Variants in SETD4 observed in about 807,000 individuals in gnomAD.
The protein encoded by SETD4 is SET domain-containing protein 4.
A neutral mutation model predicts 58.3 loss-of-function variants in SETD4; 46 were observed. That is an observed-to-expected ratio of 0.79 (90% CI 0.62 to 1.01). SETD4 has a LOEUF of 1.01. Ranked by LOEUF, SETD4 falls within the 50% of genes least tolerant of loss-of-function variation. The pLI is 0.00. For synonymous variants in SETD4, 190 were observed against 202.6 expected (o/e 0.94, Z 0.53); for missense variants, 490 against 523.3 (o/e 0.94, Z 0.62).
intron 4 of SETD4, chr21:36,051,194 T>C (rs766605936): frequency 7.5e-6 from 12 of 1,603,706 alleles, no homozygotes; most frequent in Non-Finnish European, 1.0e-5. Flanking sequence ...CCACTGCCAG[T>C]GAGACTAGTG....
intron 4 of SETD4, chr21:36,050,774 T>A (rs1478311938): frequency 4.3e-6 from 7 of 1,612,242 alleles, no homozygotes; most frequent in Non-Finnish European, 5.9e-6. Context: ...TTATTTGCCA[T>A]GAAGCGCCAT....
Position 36,048,294 on chromosome 21 carries a change from G to A in SETD4, c.296+14C>T. On this transcript the variant is annotated intron_variant, in intron 5 of 11. Coordinates refer to ENST00000332131, the MANE Select transcript of SETD4 (RefSeq NM_017438.5). ...AAGCACTTGCACCAGGTAAGCAAGTGTGTGGTCACTTACTTAGTAATGTAT... is the reference window on the plus strand; with the variant it reads ...AAGCACTTGCACCAGGTAAGCAAGTATGTGGTCACTTACTTAGTAATGTAT... 9.3e-6 allele frequency: 15 copies of A among 1,610,914 alleles called. No homozygotes were observed. Among genetic ancestry groups the A allele is most frequent in the Non-Finnish European group, 1.2e-5 (14 of 1,177,116 alleles).
intron 2 of SETD4, among the ~76,000 whole-genome samples, chr21:36,058,387 G>T (rs559041685): frequency 6.6e-6 from 1 of 152,080 alleles, no homozygotes; most frequent in Admixed American, 6.6e-5. Context: ...TGTAGTCCCA[G>T]GTACTTGGGA....
At chr21:36,039,221 A>T (rs1372370595) in intron 9 of SETD4, among the ~76,000 whole-genome samples, 1 of 152,092 alleles carries the variant, frequency 6.6e-6, no homozygotes, top group Non-Finnish European at 1.5e-5. Context: ...TAGCAAAGAA[A>T]GCACGATAAT....
At chr21:36,057,038 C>A in intron 3 of SETD4, 71 bp downstream of exon 3, 1 of 1,227,054 alleles carries the variant, frequency 8.1e-7, no homozygotes, top group South Asian at 1.2e-5. Flanking sequence ...GGCCCACCTG[C>A]AAGAGTGGCC....
chr21:36,053,600 T>C lies in SETD4; in HGVS notation c.190A>G (p.Ser64Gly), dbSNP rs1321704597. Reference sequence around the variant, plus strand: ...GTTCTCACCTGCAGGGATGTTTGACTCATCAGCCCTCTTCCTGTACCTAGG... The same window carrying C: ...GTTCTCACCTGCAGGGATGTTTGACCCATCAGCCCTCTTCCTGTACCTAGG... ...CFPGTGRGLM[S>G]QTSLQEGQMI... is the part of the protein sequence containing the mutation. The change falls in exon 4 of 12, where the codon AGT (serine) becomes GGT (glycine). Residue 64 changes from serine to glycine, a missense_variant. Transcript: ENST00000332131. 1.9e-6 allele frequency: 3 copies of C among 1,614,140 alleles called. No homozygotes were observed. Among genetic ancestry groups the C allele is most frequent in the East Asian group, 2.2e-5 (1 of 44,888 alleles).
intron 4 of SETD4, chr21:36,050,485 C>G: frequency 1.2e-6 from 2 of 1,613,954 alleles, no homozygotes; most frequent in Non-Finnish European, 1.7e-6. Flanking sequence ...AGTGACATCA[C>G]TGTTTTGCGC....
At chr21:36,059,796 C>G in intron 1 of SETD4, 1 of 985,486 alleles carries the variant, frequency 1.0e-6, no homozygotes, top group African/African-American at 1.7e-5. Flanking sequence ...TACCGCACTT[C>G]CGCAGTATAA....
At chr21:36,053,447 C>T (rs931199493) in intron 4 of SETD4, 136 bp downstream of exon 4, 1 of 856,512 alleles carries the variant, frequency 1.2e-6, no homozygotes, top group Non-Finnish European at 1.9e-6. Context: ...GTTGATAGAA[C>T]CATATTCAAA....
intron 4 of SETD4, chr21:36,050,698 G>C (rs183545366): frequency 1.1e-5 from 17 of 1,608,462 alleles, no homozygotes; most frequent in African/African-American, 1.3e-5. Flanking sequence ...AAGAATACGC[G>C]GGGTCATAGA....
At chr21:36,054,368 T>G (rs1353417823) in intron 3 of SETD4, among the ~76,000 whole-genome samples, 1 of 152,246 alleles carries the variant, frequency 6.6e-6, no homozygotes, top group African/African-American at 2.4e-5. Context: ...GAAAGGATGC[T>G]CAGATGACAG....
chr21:36,058,986 A>G (rs866013480), intron 1 of SETD4, 62 bp from the exon 2 acceptor site: 1 of 1,449,406 alleles, frequency 6.9e-7, no homozygotes, highest in Non-Finnish European at 9.2e-7. Flanking sequence ...AAAATAAAAA[A>G]CATTTCTTTG....
At chr21:36,038,299 A>G (rs367981092) in intron 9 of SETD4, 26 bp from the exon 10 acceptor site, 11 of 1,601,322 alleles carry the variant, frequency 6.9e-6, no homozygotes, top group Non-Finnish European at 9.3e-6. Context: ...TCCATGACAC[A>G]ATTTTAGCAG....
At chr21:36,042,173 C>T (rs2064096776) in intron 7 of SETD4, 1 of 213,156 alleles carries the variant, frequency 4.7e-6, no homozygotes, top group African/African-American at 2.3e-5. Context: ...GTCATTAGGA[C>T]ATCAGCATGA....
intron 4 of SETD4, among the ~76,000 whole-genome samples, chr21:36,052,138 G>A (rs1451711216): frequency 6.6e-6 from 1 of 152,102 alleles, no homozygotes; most frequent in African/African-American, 2.4e-5. Flanking sequence ...ATTTTCACCT[G>A]TTTAGGAAAG....
chr21:36,038,898 A>T (rs2063908671), intron 9 of SETD4, among the ~76,000 whole-genome samples: 1 of 152,116 alleles, frequency 6.6e-6, no homozygotes, highest in South Asian at 2.1e-4. Context: ...TGCGGAGCAG[A>T]GGTGGCAGCG....
intron 4 of SETD4, chr21:36,050,620 A>C: frequency 1.2e-6 from 2 of 1,611,612 alleles, no homozygotes; most frequent in Non-Finnish European, 1.7e-6. Flanking sequence ...ACTTTCTCTT[A>C]TGGTGGCCAT....
Position 36,045,665 on chromosome 21 carries a change from GC to G in SETD4, c.642del (p.Arg214SerfsTer22). Reference protein sequence around the residue: ...VNTRAVYLRPRQRECLSAEPD... With the variant: ...VNTRAVYLRPXQRECLSAEPD... ...GGCTCTGCAGAAAGGCATTCCCGCT[GC>G]CTGGGCCTCAGGTACACGGCTCTGG... On this transcript the variant is annotated frameshift_variant, in exon 6 of 12. Coordinates refer to ENST00000332131, the MANE Select transcript of SETD4 (RefSeq NM_017438.5). LOFTEE classifies it high-confidence loss of function. 1 of 1,614,168 alleles carries G rather than the reference GC, an allele frequency of 6.2e-7. No homozygotes were observed. Among genetic ancestry groups the G allele is most frequent in the Non-Finnish European group, 8.5e-7 (1 of 1,180,046 alleles).
At chr21:36,044,540 C>A (rs2064216411) in intron 6 of SETD4, among the ~76,000 whole-genome samples, 1 of 152,218 alleles carries the variant, frequency 6.6e-6, no homozygotes, top group Non-Finnish European at 1.5e-5. Context: ...GTCTAGCATC[C>A]TATCACACTA....
Sources: allele counts gnomAD v4.1 joint callset (sites outside exome capture counted in the v4.1 genomes callset), GRCh38; gene constraint gnomAD v4.1.1; transcripts MANE v1.5; gene names NCBI Gene and HGNC (gene_info 2026-07-23, HGNC 2026-07-21).